The following PIEZO2 variants were observed in gnomAD, a reference collection of about 807,000 sequenced individuals.
PIEZO2 encodes piezo-type mechanosensitive ion channel component 2.
A neutral mutation model predicts 337.3 loss-of-function variants in PIEZO2; 172 were observed. That is an observed-to-expected ratio of 0.51 (90% CI 0.45 to 0.58). The LOEUF is 0.58. PIEZO2 is among the 20% of genes least tolerant of loss of function. The pLI is 0.00. For synonymous variants in PIEZO2, 1,251 were observed against 1,228.5 expected (o/e 1.02, Z -0.38); for missense variants, 3,028 against 3,391.3 (o/e 0.89, Z 2.66).
chr18:10,927,371 C>T (rs1308608013), intron 3 of PIEZO2, among the ~76,000 whole-genome samples: 1 of 152,108 alleles, frequency 6.6e-6, no homozygotes, highest in Non-Finnish European at 1.5e-5. Context: ...ATGCAGTTTC[C>T]AGGTCTGTTT....
At chr18:10,678,939 T>C (rs1248648383) in intron 52 of PIEZO2, among the ~76,000 whole-genome samples, 8 of 136,122 alleles carry the variant, frequency 5.9e-5, no homozygotes, top group Admixed American at 2.3e-4. Context: ...ATTTCTTTTT[T>C]TTTTTTTTTT....
Position 11,080,821 on chromosome 18 carries a change from C to T in PIEZO2, c.65-14599G>A, listed in dbSNP as rs559344540. On this transcript the variant is annotated intron_variant, in intron 1 of 55. Coordinates refer to ENST00000674853, the MANE Select transcript of PIEZO2 (RefSeq NM_001378183.1). This position sits in a 1 kb window ranked among gnomAD's most constrained non-coding sequence, Gnocchi z 5.4. ...ATGGTGCCACTGCACCCCAGCCTGG[C>T]GACAGAGCAAGGCTCTGTCAATAAA... Among the ~76,000 whole-genome samples, 2 of 151,976 alleles carry T rather than the reference C, an allele frequency of 1.3e-5. No individual in the cohort carries two copies. Among genetic ancestry groups the T allele is most frequent in the African/African-American group, 2.4e-5 (1 of 41,362 alleles).
At position 10,727,902 on chromosome 18, in the gene PIEZO2, T is replaced by G. The variant is rs1035331844; in HGVS notation, c.5029+3505A>C. 6.7e-6 allele frequency: 1 copy of G among 148,184 alleles called. No homozygotes were observed. Among genetic ancestry groups the G allele is most frequent in the African/African-American group, 2.5e-5 (1 of 39,684 alleles). The allele number at this position is 148,184 out of a possible 1,614,324, so 9.2% of individuals were successfully genotyped here. On this transcript the variant is annotated intron_variant, in intron 36 of 55. Transcript: ENST00000674853. The surrounding 1 kb of genome is among the most constrained non-coding windows in gnomAD (Gnocchi z 6.3). ...CTTTTGTGTAAGTTACTGGTCAGAA[T>G]CCTCACTGAGCTCCCAGTCCAGAGG...
intron 5 of PIEZO2, among the ~76,000 whole-genome samples, chr18:10,864,842 A>G (rs2041964331): frequency 6.6e-6 from 1 of 152,206 alleles, no homozygotes. Context: ...GAATCCCGGA[A>G]GGACAAGAAT....
Position 10,748,421 on chromosome 18 carries a change from T to A in PIEZO2, c.4424+50A>T. On this transcript the variant is annotated intron_variant, in intron 30 of 55. Transcript: ENST00000674853. The surrounding 1 kb of genome is among the most constrained non-coding windows in gnomAD (Gnocchi z 5.1). Reference sequence around the variant, plus strand: ...GACAGAAATGATAGTGCAATATTATTTCAGGCAAGTTTCCTGGGAGAAACC... The same window carrying A: ...GACAGAAATGATAGTGCAATATTATATCAGGCAAGTTTCCTGGGAGAAACC... 2 of 1,508,412 alleles carry A rather than the reference T, an allele frequency of 1.3e-6. No homozygotes were observed. The highest frequency in any genetic ancestry group is 1.8e-6 in the Non-Finnish European group (2 of 1,123,492). The allele number at this position is 1,508,412 out of a possible 1,614,324, so 93.4% of individuals were successfully genotyped here.
intron 1 of PIEZO2, among the ~76,000 whole-genome samples, chr18:11,095,144 A>T (rs534754579): frequency 3.3e-5 from 5 of 152,336 alleles, no homozygotes; most frequent in South Asian, 4.1e-4. Context: ...GAATGAGTGA[A>T]AATGGCCATT....
At position 10,715,086 on chromosome 18, in the gene PIEZO2, A is replaced by G. The variant is rs748538027; in HGVS notation, c.5257-156T>C. 3.4e-4 allele frequency among the ~76,000 whole-genome samples: 52 copies of G among 152,350 alleles called. 2 individuals carry two copies. The highest frequency in any genetic ancestry group is 2.2e-3 in the Admixed American group (33 of 15,304). On this transcript the variant is annotated intron_variant, in intron 38 of 55. Coordinates refer to ENST00000674853, the MANE Select transcript of PIEZO2 (RefSeq NM_001378183.1). ...GTGGGGATTGATGTCGACTCATTTC[A>G]TAAGTGGTTTCCAACATTACTAGGT...
chr18:10,679,754 T>A (rs2034180269), intron 52 of PIEZO2, among the ~76,000 whole-genome samples: 2 of 152,310 alleles, frequency 1.3e-5, no homozygotes, highest in South Asian at 4.1e-4. Flanking sequence ...CTGTGGTAGA[T>A]TTATAATAGT....
chr18:10,866,850 A>G lies in PIEZO2; in HGVS notation c.492+4403T>C, dbSNP rs549599854. On this transcript the variant is annotated intron_variant, in intron 5 of 55. Coordinates refer to ENST00000674853, the MANE Select transcript of PIEZO2 (RefSeq NM_001378183.1). ...CGTCTCTTCTACTGAAACTAATGGCATCTAAAACTACTAGGAGTAAAACCT... is the reference window on the plus strand; with the variant it reads ...CGTCTCTTCTACTGAAACTAATGGCGTCTAAAACTACTAGGAGTAAAACCT... 2.0e-4 allele frequency among the ~76,000 whole-genome samples: 30 copies of G among 152,350 alleles called. No homozygotes were observed. In the South Asian group the frequency reaches 3.7e-3, roughly 19 times the overall value.
chr18:10,923,041 C>A (rs1450770534), intron 3 of PIEZO2, among the ~76,000 whole-genome samples: 1 of 152,138 alleles, frequency 6.6e-6, no homozygotes, highest in African/African-American at 2.4e-5. Flanking sequence ...TATTTGTCTT[C>A]TGTCTCTTTC....
chr18:10,765,737 A>AGGGCAACTGAATC (rs11271811), intron 21 of PIEZO2, among the ~76,000 whole-genome samples: 2 of 151,740 alleles, frequency 1.3e-5, no homozygotes, highest in African/African-American at 2.4e-5. Flanking sequence ...CAGCAAGTGC[A>AGGGCAACTGAATC]GGAGTCCTGT....
At chr18:11,071,716 C>T (rs892777944) in intron 1 of PIEZO2, among the ~76,000 whole-genome samples, 19 of 152,106 alleles carry the variant, frequency 1.2e-4, no homozygotes, top group African/African-American at 4.6e-4. Context: ...ATAGGAGAAG[C>T]ACTCAGGCAA....
intron 2 of PIEZO2, among the ~76,000 whole-genome samples, chr18:10,989,369 A>G (rs1333698826): frequency 1.3e-5 from 2 of 152,160 alleles, no homozygotes; most frequent in Non-Finnish European, 2.9e-5. Flanking sequence ...CTCCAGATCA[A>G]TAAAGACCTA....
In PIEZO2 at chr18:10,888,020, C is replaced by T. The variant is rs1224927979; in HGVS notation, c.330-16605G>A. On this transcript the variant is annotated intron_variant, in intron 4 of 55. Coordinates refer to ENST00000674853, the MANE Select transcript of PIEZO2 (RefSeq NM_001378183.1). The surrounding 1 kb of genome is among the most constrained non-coding windows in gnomAD (Gnocchi z 4.1). The stretch of plus-strand genomic sequence containing the variant: ...TATATTCTGAAATTGCATCAATGTC[C>T]TCTGCCTTATCAAGCTTCCACCCAC... Among the ~76,000 whole-genome samples the T allele has an allele frequency of 2.0e-5, 3 of 152,136 alleles. No individual in the cohort carries two copies. The highest frequency in any genetic ancestry group is 4.2e-4 in the South Asian group (2 of 4,816).
chr18:11,075,977 G>A (rs755678332), intron 1 of PIEZO2, among the ~76,000 whole-genome samples: 22 of 152,020 alleles, frequency 1.4e-4, no homozygotes, highest in East Asian at 7.8e-4. Flanking sequence ...TAGTAGAGAC[G>A]GGGTTTCACT....
At chr18:10,741,332 A>T (rs758209967) in intron 32 of PIEZO2, among the ~76,000 whole-genome samples, 1 of 152,224 alleles carries the variant, frequency 6.6e-6, no homozygotes, top group Non-Finnish European at 1.5e-5. Flanking sequence ...CTTTCTTCTT[A>T]GTGACTGAGG....
chr18:10,758,173 C>A, intron 26 of PIEZO2, 39 bp from the exon 27 acceptor site: 1 of 1,526,856 alleles, frequency 6.5e-7, no homozygotes. Context: ...CCGCCTCATC[C>A]TCTTCTGATT....
intron 1 of PIEZO2, among the ~76,000 whole-genome samples, chr18:11,095,376 A>C (rs1263848024): frequency 6.6e-6 from 1 of 152,206 alleles, no homozygotes; most frequent in Non-Finnish European, 1.5e-5. Context: ...GTGTTTTGGA[A>C]TCACGGTGTG....
chr18:11,080,299 T>C lies in PIEZO2; in HGVS notation c.65-14077A>G, dbSNP rs1397508688. Among the ~76,000 whole-genome samples, 1 of 152,212 alleles carries C rather than the reference T, an allele frequency of 6.6e-6. No homozygotes were observed. Among genetic ancestry groups the C allele is most frequent in the Non-Finnish European group, 1.5e-5 (1 of 68,044 alleles). ...AATAAAATTAAATCTAAGGAAAAAG[T>C]TGTCTCTTCCACCTCAGAATACCCA... On this transcript the variant is annotated intron_variant, in intron 1 of 55. Transcript: ENST00000674853. This position sits in a 1 kb window ranked among gnomAD's most constrained non-coding sequence, Gnocchi z 5.4.
Sources: gnomAD v4.1 joint callset for allele counts (sites outside exome capture counted in the v4.1 genomes callset) on GRCh38, gnomAD v4.1.1 for gene constraint, Gnocchi (gnomAD v3.1) non-coding constraint, MANE v1.5 for transcripts, NCBI Gene and HGNC (gene_info 2026-07-23, HGNC 2026-07-21) for gene names.